P4HA1: variants seen among roughly 807,000 people sequenced by gnomAD.
The protein encoded by P4HA1 is prolyl 4-hydroxylase subunit alpha-1.
P4HA1 carries 24 observed loss-of-function variants against 72.8 expected under a neutral mutation model. That is an observed-to-expected ratio of 0.33 (90% CI 0.24 to 0.46). P4HA1 has a LOEUF of 0.46. Among genes scored for constraint, P4HA1 ranks in the 20% least tolerant of loss-of-function variants. The probability of loss-of-function intolerance (pLI) is 1.00; values close to 1 mark genes in which losing one functional copy is unlikely to be tolerated. For missense variants in P4HA1, 446 were observed against 640.6 expected, an observed-to-expected ratio of 0.70 and a Z score of 3.28; for synonymous variants, 201 against 218.8, an observed-to-expected ratio of 0.92 and a Z score of 0.72.
At chr10:73,084,862 G>A (rs1841893688) in intron 1 of P4HA1, among the ~76,000 whole-genome samples, 1 of 152,136 alleles carries the variant, frequency 6.6e-6, no homozygotes, top group Admixed American at 6.5e-5. Flanking sequence ...GCCAGGCTTG[G>A]TGGCTCATGC....
chr10:73,081,024 T>C (rs557104645), intron 1 of P4HA1, among the ~76,000 whole-genome samples: 2 of 152,328 alleles, frequency 1.3e-5, no homozygotes, highest in Non-Finnish European at 2.9e-5. Flanking sequence ...AGAATCATTA[T>C]AGAACATTTA....
At chr10:73,051,380 G>A (rs559786334) in intron 6 of P4HA1, 131 bp from the exon 7 acceptor site, 99 of 574,674 alleles carry the variant, frequency 1.7e-4, no homozygotes, top group Non-Finnish European at 2.8e-4. Context: ...AGTGAAAGGA[G>A]GCACTAATAA....
intron 1 of P4HA1, among the ~76,000 whole-genome samples, chr10:73,092,316 G>A (rs1842047535): frequency 6.7e-6 from 1 of 149,586 alleles, no homozygotes; most frequent in Admixed American, 6.7e-5. Context: ...CAGTCTACTG[G>A]CCATATTGTA....
At chr10:73,041,959 C>T (rs558342912) in intron 9 of P4HA1, among the ~76,000 whole-genome samples, 2 of 152,118 alleles carry the variant, frequency 1.3e-5, no homozygotes, top group African/African-American at 4.8e-5. Context: ...GATCCTCCCA[C>T]CTCAGCCTCC....
At chr10:73,050,847 A>T (rs1841002735) in intron 7 of P4HA1, among the ~76,000 whole-genome samples, 1 of 152,160 alleles carries the variant, frequency 6.6e-6, no homozygotes, top group Non-Finnish European at 1.5e-5. Flanking sequence ...TAAGACTACA[A>T]GTGTACACCA....
intron 10 of P4HA1, 39 bp downstream of exon 10, chr10:73,030,232 G>T: frequency 9.8e-7 from 1 of 1,023,332 alleles, no homozygotes; most frequent in Non-Finnish European, 1.4e-6. Flanking sequence ...AGCATCTCCT[G>T]AAGTGTAAAA....
At chr10:73,049,010 C>T (rs1448086739) in intron 7 of P4HA1, among the ~76,000 whole-genome samples, 4 of 151,826 alleles carry the variant, frequency 2.6e-5, no homozygotes, top group East Asian at 3.9e-4. Context: ...GGCAGGCGCC[C>T]GTAGTCCCAG....
chr10:73,090,386 G>A lies in P4HA1; in HGVS notation c.-33+6380C>T, dbSNP rs534878049. 7.9e-4 allele frequency among the ~76,000 whole-genome samples: 121 copies of A among 152,236 alleles called. 1 individual carries two copies. In the South Asian group the frequency reaches 0.013, roughly 17 times the overall value. ...TGGGCTCAAGCAGTCCTCCTGCCTC[G>A]GCCACCCAAAGGGTTGGGATTACAG... On this transcript the variant is annotated intron_variant, in intron 1 of 14. Coordinates refer to ENST00000394890, the MANE Select transcript of P4HA1 (RefSeq NM_001017962.3).
intron 9 of P4HA1, among the ~76,000 whole-genome samples, chr10:73,032,986 A>G (rs1840471938): frequency 6.6e-6 from 1 of 152,202 alleles, no homozygotes; most frequent in Admixed American, 6.5e-5. Context: ...AGAATTCCTC[A>G]GTGTAGCAAA....
chr10:73,037,275 A>G (rs1439779890), intron 9 of P4HA1, among the ~76,000 whole-genome samples: 2 of 146,806 alleles, frequency 1.4e-5, no homozygotes, highest in Non-Finnish European at 3.0e-5. Context: ...TAACATTTCT[A>G]TGCTTTTTTC....
chr10:73,039,493 G>A (rs975532609), intron 9 of P4HA1, among the ~76,000 whole-genome samples: 2 of 151,828 alleles, frequency 1.3e-5, no homozygotes, highest in African/African-American at 4.8e-5. Flanking sequence ...ATTTTTAGTA[G>A]AGATGGGGTT....
chr10:73,078,068 C>CAAAA (rs61030339), intron 1 of P4HA1, among the ~76,000 whole-genome samples: 3,863 of 59,010 alleles, frequency 0.065, 89 homozygotes, highest in East Asian at 0.23. Context: ...GCTTATGTGT[C>CAAAA]AAAAAAAAAA....
chr10:73,061,245 G>A (rs1349896416), intron 5 of P4HA1, among the ~76,000 whole-genome samples: 2 of 152,056 alleles, frequency 1.3e-5, no homozygotes, highest in African/African-American at 2.4e-5. Flanking sequence ...AGTTCATAGC[G>A]CCACCTATGG....
chr10:73,054,742 C>T (rs977128754), intron 5 of P4HA1, among the ~76,000 whole-genome samples: 1 of 152,190 alleles, frequency 6.6e-6, no homozygotes, highest in African/African-American at 2.4e-5. Flanking sequence ...CCAATTTCTC[C>T]ACATCCTTGC....
intron 7 of P4HA1, 148 bp downstream of exon 7, chr10:73,050,905 C>T: frequency 1.4e-6 from 1 of 708,968 alleles, no homozygotes; most frequent in Non-Finnish European, 2.4e-6. Context: ...GTCTATGTTG[C>T]CTAAGCTGAC....
chr10:73,081,877 G>A (rs746075345), intron 1 of P4HA1, among the ~76,000 whole-genome samples: 4 of 152,284 alleles, frequency 2.6e-5, no homozygotes, highest in Middle Eastern at 6.8e-3. Flanking sequence ...TACTATGGGC[G>A]TGGTAGCGTG....
intron 10 of P4HA1, among the ~76,000 whole-genome samples, chr10:73,022,265 G>A (rs1450575406): frequency 4.6e-5 from 7 of 152,142 alleles, no homozygotes; most frequent in South Asian, 2.1e-4. Context: ...TCATACAGGC[G>A]GGTGCCCCTC....
chr10:73,076,324 G>A (rs1841695951), intron 1 of P4HA1, among the ~76,000 whole-genome samples: 1 of 150,630 alleles, frequency 6.6e-6, no homozygotes, highest in Non-Finnish European at 1.5e-5. Context: ...TCAGCCTCCT[G>A]AGTAGCTGGA....
intron 7 of P4HA1, among the ~76,000 whole-genome samples, chr10:73,048,949 A>T (rs1840941943): frequency 6.6e-6 from 1 of 152,126 alleles, no homozygotes; most frequent in African/African-American, 2.4e-5. Flanking sequence ...CCTGGCTAAC[A>T]AGGTGAAACC....
Sources: allele counts gnomAD v4.1 joint callset (sites outside exome capture counted in the v4.1 genomes callset), GRCh38; gene constraint gnomAD v4.1.1; transcripts MANE v1.5; gene names NCBI Gene and HGNC (gene_info 2026-07-23, HGNC 2026-07-21).